CENPI: variants seen among roughly 807,000 people sequenced by gnomAD.
CENPI encodes FSH primary response 1.
In CENPI, 4 loss-of-function variants were observed where a neutral mutation model predicts 60.4. That is an observed-to-expected ratio of 0.07 (90% CI 0.03 to 0.15). CENPI has a LOEUF of 0.15. Among genes scored for constraint, CENPI ranks in the 10% least tolerant of loss-of-function variants. The pLI is 1.00. For missense variants in CENPI, 444 were observed against 534.5 expected, an observed-to-expected ratio of 0.83 and a Z score of 1.67; for synonymous variants, 157 against 189.4, an observed-to-expected ratio of 0.83 and a Z score of 1.40.
rs2089801289 is a variant in CENPI, at chrX:101,132,178, C to T, written c.1288-12C>T. 5.4e-6 allele frequency: 6 copies of T among 1,105,943 alleles called. No homozygotes were observed. In the Admixed American group the frequency reaches 9.0e-5, roughly 17 times the overall value. The allele number at this position is 1,105,943 out of a possible 1,213,427, so 91.1% of individuals were successfully genotyped here. On this transcript the variant is annotated splice_polypyrimidine_tract_variant and intron_variant, in intron 13 of 21. Transcript: ENST00000682095. ...GTTCCATATAAGGATTTACTATTCACTTGTGTTACAGGAGGGGTTTTATTC... is the reference window on the plus strand; with the variant it reads ...GTTCCATATAAGGATTTACTATTCATTTGTGTTACAGGAGGGGTTTTATTC...
intron 20 of CENPI, among the ~76,000 whole-genome samples, chrX:101,160,219 A>G (rs1269272101): frequency 9.0e-6 from 1 of 110,794 alleles, no homozygotes; most frequent in Non-Finnish European, 1.9e-5. Context: ...TCTGGAGACA[A>G]TATTGGAGCA....
At chrX:101,174,667 G>T in the CENPI span, among the ~76,000 whole-genome samples, 11 of 110,566 alleles carry the variant, frequency 9.9e-5, no homozygotes, top group Non-Finnish European at 1.9e-5. Flanking sequence ...CTACTAGAGG[G>T]GGGAGGGAGG....
At chrX:101,137,497 TAGGAG>T (rs1305128571) in intron 15 of CENPI, among the ~76,000 whole-genome samples, 12 of 111,450 alleles carry the variant, frequency 1.1e-4, no homozygotes, top group Middle Eastern at 9.3e-3. Flanking sequence ...GGAGACTAGC[TAGGAG>T]GATAAAATGA....
At chrX:101,156,538 T>G (rs2090053707) in intron 20 of CENPI, among the ~76,000 whole-genome samples, 1 of 111,007 alleles carries the variant, frequency 9.0e-6, no homozygotes, top group Non-Finnish European at 1.9e-5. Flanking sequence ...GGGGAACAGG[T>G]GCTATTTGGT....
At chrX:101,176,093 C>A in the CENPI span, among the ~76,000 whole-genome samples, 10 of 111,970 alleles carry the variant, frequency 8.9e-5, no homozygotes, top group Middle Eastern at 0.014. Context: ...CCTCCAGTTC[C>A]ATCCACGTTG....
chrX:101,170,870 G>T (rs769622449), downstream of CENPI, among the ~76,000 whole-genome samples: 2 of 110,790 alleles, frequency 1.8e-5, no homozygotes, highest in East Asian at 5.6e-4. Context: ...GGGCTCAAGC[G>T]ATCTGTGCGC....
chrX:101,175,934 C>T, the CENPI span, among the ~76,000 whole-genome samples: 110 of 111,210 alleles, frequency 9.9e-4, no homozygotes, highest in African/African-American at 3.4e-3. Context: ...CCTCCGCCAA[C>T]CCCCACCAAA....
At chrX:101,172,963 C>G in the CENPI span, among the ~76,000 whole-genome samples, 1 of 107,894 alleles carries the variant, frequency 9.3e-6, no homozygotes, top group Admixed American at 1.0e-4. Context: ...TAGGAATATG[C>G]AAAGACAATT....
chrX:101,137,737 T>G (rs958061823), intron 15 of CENPI, among the ~76,000 whole-genome samples: 6 of 107,532 alleles, frequency 5.6e-5, no homozygotes, highest in African/African-American at 2.0e-4. Context: ...CCTTCCAATA[T>G]TTGAAGGATT....
chrX:101,159,201 G>A (rs141329764), intron 20 of CENPI, among the ~76,000 whole-genome samples: 19,153 of 109,245 alleles, frequency 0.18, 1,381 homozygotes, highest in Middle Eastern at 0.23. Flanking sequence ...TCGCTCTGTC[G>A]CCCAGGCTGG....
chrX:101,129,944 G>T lies in CENPI; in HGVS notation c.1196-38G>T, dbSNP rs777305660. On this transcript the variant is annotated intron_variant, in intron 12 of 21. Transcript: ENST00000682095. ...ATGTTTTGTGCACTTTTTTATTGTG[G>T]TACAACTAGATGCTTATATTTACTG... 7 of 945,204 alleles carry T rather than the reference G, an allele frequency of 7.4e-6. No individual in the cohort carries two copies. In the South Asian group the frequency reaches 1.0e-4, roughly 14 times the overall value. 77.9% of individuals were successfully genotyped at this position (945,204 alleles called of 1,213,427 possible). A position where few individuals can be genotyped will look rare whatever the true frequency, so the allele number is the denominator to read the frequency against.
At chrX:101,125,934 A>G (rs188497788) in intron 8 of CENPI, among the ~76,000 whole-genome samples, 1 of 112,041 alleles carries the variant, frequency 8.9e-6, no homozygotes, top group Non-Finnish European at 1.9e-5. Context: ...ACTCATTAAT[A>G]ATGGGTGTAC....
At chrX:101,105,123 G>T (rs190627970) in intron 4 of CENPI, among the ~76,000 whole-genome samples, 1 of 111,524 alleles carries the variant, frequency 9.0e-6, no homozygotes, top group Non-Finnish European at 1.9e-5. Flanking sequence ...CTTTTTTCTT[G>T]TAGATGGTTT....
At chrX:101,172,117 A>G in the CENPI span, among the ~76,000 whole-genome samples, 1 of 111,935 alleles carries the variant, frequency 8.9e-6, no homozygotes, top group African/African-American at 3.2e-5. Flanking sequence ...ACAACTTCAT[A>G]CCCTGTAAGA....
intron 6 of CENPI, among the ~76,000 whole-genome samples, chrX:101,118,381 A>G (rs1167983090): frequency 4.5e-5 from 5 of 112,100 alleles, no homozygotes; most frequent in Non-Finnish European, 9.4e-5. Flanking sequence ...TACCTTTGAC[A>G]TCTCTCTTAA....
Position 101,146,248 on chromosome X carries a change from C to G in CENPI, c.1797C>G (p.Ile599Met). The change falls in exon 18 of 22, where the codon ATC (isoleucine) becomes ATG (methionine). Residue 599 changes from isoleucine (I) to methionine (M), a missense_variant. By Grantham distance (10) the Ile-to-Met change is conservative. Transcript: ENST00000682095. The part of the protein sequence containing the change: ...YSALLSLDTS[I>M]LNQLCFIMHR... ...CACTCCTCAGCCTGGATACCAGCAT[C>G]CTGAACCAGCTGTGTTTTATTATGC... 1 of 1,209,608 alleles carries G rather than the reference C, an allele frequency of 8.3e-7. No individual in the cohort carries two copies. Among genetic ancestry groups the G allele is most frequent in the Non-Finnish European group, 1.1e-6 (1 of 894,141 alleles).
intron 4 of CENPI, among the ~76,000 whole-genome samples, chrX:101,105,871 A>C (rs1049950630): frequency 5.4e-5 from 6 of 111,668 alleles, no homozygotes; most frequent in African/African-American, 1.9e-4. Context: ...CTGGCTTTCT[A>C]TTGTTACTTT....
chrX:101,135,688 G>C (rs2089839527), intron 15 of CENPI, among the ~76,000 whole-genome samples: 1 of 111,750 alleles, frequency 8.9e-6, no homozygotes, highest in Non-Finnish European at 1.9e-5. Flanking sequence ...CATGGCACTT[G>C]ATTAAATAGA....
chrX:101,150,368 ATT>A (rs58825020), intron 20 of CENPI, among the ~76,000 whole-genome samples: 1 of 102,094 alleles, frequency 9.8e-6, no homozygotes, highest in African/African-American at 3.5e-5. Context: ...TTGCCTTATT[ATT>A]TTTTTTTTTT....
Sources: allele counts gnomAD v4.1 joint callset (sites outside exome capture counted in the v4.1 genomes callset), GRCh38; gene constraint gnomAD v4.1.1; transcripts MANE v1.5; gene names NCBI Gene and HGNC (gene_info 2026-07-23, HGNC 2026-07-21).